CLIC5: variants seen among roughly 807,000 people sequenced by gnomAD.
CLIC5 encodes CLIC family member 5.
CLIC5 carries 20 observed loss-of-function variants against 24.7 expected under a neutral mutation model. The ratio of observed to expected loss-of-function variants is 0.81; its 90% CI spans 0.57 to 1.18. The LOEUF (loss-of-function observed/expected upper bound fraction) is 1.18. Among genes scored for constraint, CLIC5 ranks in the 50% most tolerant of loss-of-function variants. CLIC5 has a pLI of 0.00. For synonymous variants in CLIC5, 159 were observed against 135.6 expected, an observed-to-expected ratio of 1.17 and a Z score of -1.20; for missense variants, 341 against 326.1, an observed-to-expected ratio of 1.05 and a Z score of -0.35.
At chr6:45,968,658 T>C (rs1765094643) in intron 1 of CLIC5, among the ~76,000 whole-genome samples, 1 of 152,340 alleles carries the variant, frequency 6.6e-6, no homozygotes, top group Middle Eastern at 3.4e-3. Flanking sequence ...AGGGCAAGAC[T>C]TCAAAAACAA....
chr6:45,975,758 G>A (rs1210755048), intron 1 of CLIC5, among the ~76,000 whole-genome samples: 1 of 152,116 alleles, frequency 6.6e-6, no homozygotes, highest in Non-Finnish European at 1.5e-5. Flanking sequence ...CAAGTTAGCT[G>A]GAGCCTTCAT....
rs867628396 is a variant in CLIC5 at position 46,015,800 on chromosome 6, G to A, written c.-258C>T. On this transcript the variant is annotated 5_prime_UTR_variant, in exon 1 of 6. Transcript: ENST00000339561. ...AAGCCGGGTTAAGGGAATGACAACAGGTCGTGGGAGCAACAAGTGCCGGGC... is the reference window on the plus strand; with the variant it reads ...AAGCCGGGTTAAGGGAATGACAACAAGTCGTGGGAGCAACAAGTGCCGGGC... 1 of 1,198,206 alleles carries A rather than the reference G, an allele frequency of 8.3e-7. No homozygotes were observed. Among genetic ancestry groups the A allele is most frequent in the Non-Finnish European group, 1.0e-6 (1 of 966,090 alleles). 74.2% of individuals were successfully genotyped at this position (1,198,206 alleles called of 1,614,324 possible). A position where few individuals can be genotyped will look rare whatever the true frequency, so the allele number is the denominator to read the frequency against.
intron 1 of CLIC5, among the ~76,000 whole-genome samples, chr6:46,022,221 T>C (rs533533709): frequency 5.9e-5 from 9 of 152,332 alleles, no homozygotes; most frequent in East Asian, 1.9e-4. Context: ...AAAATAATGA[T>C]GATGCTTATG....
intron 1 of CLIC5, among the ~76,000 whole-genome samples, chr6:45,970,798 AG>A (rs1765175858): frequency 6.6e-6 from 1 of 152,340 alleles, no homozygotes; most frequent in Admixed American, 6.5e-5. Flanking sequence ...CCCTTGAGCA[AG>A]TCACTGTCTC....
upstream of CLIC5, among the ~76,000 whole-genome samples, chr6:46,082,623 C>T (rs1400840951): frequency 2.0e-5 from 3 of 152,164 alleles, no homozygotes; most frequent in African/African-American, 7.2e-5. Flanking sequence ...ATTGGCTATT[C>T]TCTCTAAGAG....
chr6:45,955,393 T>G, intron 1 of CLIC5, 149 bp from the exon 2 acceptor site: 1 of 587,476 alleles, frequency 1.7e-6, no homozygotes, highest in Non-Finnish European at 3.0e-6. Flanking sequence ...ATTATTAGTT[T>G]TTGCCTTAAT....
the CLIC5 span, among the ~76,000 whole-genome samples, chr6:46,108,397 TGTGTGA>T: frequency 6.7e-6 from 1 of 148,306 alleles, no homozygotes; most frequent in Non-Finnish European, 1.5e-5. Context: ...TGTGTGTGTG[TGTGTGA>T]GAGAGAGAGA....
intron 1 of CLIC5, among the ~76,000 whole-genome samples, chr6:46,005,040 C>T (rs952630417): frequency 2.0e-5 from 3 of 152,222 alleles, no homozygotes; most frequent in Non-Finnish European, 4.4e-5. Context: ...CCCATGCACA[C>T]TGGCAGCATT....
At chr6:46,097,067 C>A in the CLIC5 span, 1 of 152,118 alleles carries the variant, frequency 6.6e-6, no homozygotes, top group Non-Finnish European at 1.5e-5. Context: ...ACATTTCATT[C>A]TTTATAAATT....
At chr6:46,001,121 T>C (rs1766339724) in intron 1 of CLIC5, among the ~76,000 whole-genome samples, 1 of 152,184 alleles carries the variant, frequency 6.6e-6, no homozygotes, top group South Asian at 2.1e-4. Context: ...GTGTTAGGCC[T>C]AGATAAGCCT....
At chr6:46,027,538 G>C (rs1461917007) in intron 1 of CLIC5, among the ~76,000 whole-genome samples, 1 of 152,176 alleles carries the variant, frequency 6.6e-6, no homozygotes, top group Admixed American at 6.5e-5. Flanking sequence ...CTGCCCAGAA[G>C]TTTTCATTCA....
At chr6:46,121,302 C>G in the CLIC5 span, among the ~76,000 whole-genome samples, 1 of 152,302 alleles carries the variant, frequency 6.6e-6, no homozygotes, top group South Asian at 2.1e-4. Context: ...AAAGAATTTT[C>G]AACCCAGAAT....
intron 2 of CLIC5, 85 bp from the exon 3 acceptor site, chr6:45,949,466 G>A: frequency 7.0e-7 from 1 of 1,437,124 alleles, no homozygotes. Context: ...TAACTTAGAT[G>A]CCCTGTGCTA....
the CLIC5 span, among the ~76,000 whole-genome samples, chr6:46,107,774 G>A: frequency 1.3e-4 from 20 of 152,162 alleles, no homozygotes; most frequent in East Asian, 7.7e-4. Flanking sequence ...ATTGGCTCAC[G>A]CCTGTAATCC....
At chr6:45,884,697 T>C (rs1445083693) in intron 6 of CLIC5, among the ~76,000 whole-genome samples, 1 of 152,166 alleles carries the variant, frequency 6.6e-6, no homozygotes, top group Non-Finnish European at 1.5e-5. Context: ...GCACTGAGAT[T>C]GGGCAGTTAC....
At chr6:45,954,353 T>C (rs1279012716) in intron 2 of CLIC5, among the ~76,000 whole-genome samples, 1 of 148,676 alleles carries the variant, frequency 6.7e-6, no homozygotes, top group Non-Finnish European at 1.5e-5. Context: ...AGGAAAAGGA[T>C]ACAAATTGAT....
upstream of CLIC5, among the ~76,000 whole-genome samples, chr6:46,016,101 AGG>A (rs1491111045): frequency 6.8e-4 from 98 of 144,266 alleles, 1 homozygote; most frequent in African/African-American, 2.3e-3. Flanking sequence ...GAGAAGGGGA[AGG>A]GGAAGAGGAA....
the CLIC5 span, among the ~76,000 whole-genome samples, chr6:46,114,854 G>T: frequency 6.6e-6 from 1 of 152,188 alleles, no homozygotes; most frequent in Non-Finnish European, 1.5e-5. Context: ...GAAAGAGGTT[G>T]CTGAGCATAT....
downstream of CLIC5, among the ~76,000 whole-genome samples, chr6:45,894,847 T>C (rs6903610): frequency 0.14 from 21,428 of 152,186 alleles, 2,590 homozygotes; most frequent in African/African-American, 0.33. Context: ...ACAATTATTG[T>C]CGAGCAAGCT....
Sources: gnomAD v4.1 joint callset for allele counts (sites outside exome capture counted in the v4.1 genomes callset) on GRCh38, gnomAD v4.1.1 for gene constraint, MANE v1.5 for transcripts, NCBI Gene and HGNC (gene_info 2026-07-23, HGNC 2026-07-21) for gene names.